Variants in CPT1A observed in about 807,000 individuals in gnomAD.
CPT1A encodes the protein carnitine palmitoyltransferase 1A.
A neutral mutation model predicts 100.8 loss-of-function variants in CPT1A; 64 were observed. The ratio of observed to expected loss-of-function variants is 0.63; its 90% CI spans 0.52 to 0.78. The LOEUF (loss-of-function observed/expected upper bound fraction) is 0.78, where lower values mean the gene tolerates loss of function less well. Among genes scored for constraint, CPT1A ranks in the 30% least tolerant of loss-of-function variants. The pLI is 0.00. For synonymous variants in CPT1A, 363 were observed against 396.0 expected, an observed-to-expected ratio of 0.92 and a Z score of 0.99; for missense variants, 802 against 1,034.1, an observed-to-expected ratio of 0.78 and a Z score of 3.08.
Position 68,782,770 on chromosome 11 carries a change from G to A in CPT1A, c.1164-811C>T, listed in dbSNP as rs189120522. 1.6e-4 allele frequency among the ~76,000 whole-genome samples: 24 copies of A among 152,296 alleles called. No individual in the cohort carries two copies. In the East Asian group the frequency reaches 2.9e-3, roughly 18 times the overall value. On this transcript the variant is annotated intron_variant, in intron 10 of 18. Transcript: ENST00000265641. ...TAGGAGTGCTTGGCTATGGCGGCCC[G>A]CAGGGCGAATAAGCCTAGAAACACG...
At chr11:68,767,892 G>C (rs1471247101) in intron 14 of CPT1A, among the ~76,000 whole-genome samples, 1 of 151,892 alleles carries the variant, frequency 6.6e-6, no homozygotes, top group Non-Finnish European at 1.5e-5. Flanking sequence ...CCGTAACGTG[G>C]CCACGCCCTC....
intron 1 of CPT1A, among the ~76,000 whole-genome samples, chr11:68,838,324 C>A (rs1857062848): frequency 6.6e-6 from 1 of 152,032 alleles, no homozygotes; most frequent in African/African-American, 2.4e-5. Context: ...AATAGGGTAG[C>A]TGGCCTCAGC....
chr11:68,793,606 C>T (rs1412361592), intron 8 of CPT1A, among the ~76,000 whole-genome samples: 1 of 151,916 alleles, frequency 6.6e-6, no homozygotes, highest in Non-Finnish European at 1.5e-5. Context: ...ATTAGCCGGG[C>T]ATGGTGTCGG....
chr11:68,786,815 C>A (rs1344305092), intron 9 of CPT1A, among the ~76,000 whole-genome samples: 1 of 152,214 alleles, frequency 6.6e-6, no homozygotes, highest in Non-Finnish European at 1.5e-5. Flanking sequence ...AGGCATGAGA[C>A]ACTGCACCTG....
intron 13 of CPT1A, among the ~76,000 whole-genome samples, chr11:68,774,360 G>T (rs769734314): frequency 2.0e-5 from 3 of 151,936 alleles, no homozygotes; most frequent in Non-Finnish European, 4.4e-5. Flanking sequence ...GACCCCAAAG[G>T]GTGTTTCAAA....
chr11:68,811,394 CT>C (rs1383283358), intron 3 of CPT1A, among the ~76,000 whole-genome samples: 2 of 152,198 alleles, frequency 1.3e-5, no homozygotes, highest in Non-Finnish European at 2.9e-5. Flanking sequence ...CACTGTGGAG[CT>C]TTCAGACCCG....
intron 1 of CPT1A, among the ~76,000 whole-genome samples, chr11:68,819,683 G>A (rs941811406): frequency 6.6e-6 from 1 of 152,224 alleles, no homozygotes; most frequent in African/African-American, 2.4e-5. Flanking sequence ...TCCTTTCTAG[G>A]AGTGAAACGC....
rs1293504009 is a variant in CPT1A, at chr11:68,781,770, C to G, written c.1352+1G>C. The stretch of plus-strand genomic sequence containing the variant: ...TGTCTCTCAGAAGGTAAGGACGGTA[C>G]CTGTCGTAACATCGGCCGTGTAGTA... On this transcript the variant is annotated splice_donor_variant, in intron 11 of 18. Transcript: ENST00000265641. LOFTEE classifies it high-confidence loss of function. The G allele has an allele frequency of 6.2e-7, 1 of 1,614,050 alleles. No individual in the cohort carries two copies. Among genetic ancestry groups the G allele is most frequent in the Non-Finnish European group, 8.5e-7 (1 of 1,180,008 alleles).
At chr11:68,811,034 C>T (rs377576397) in intron 3 of CPT1A, among the ~76,000 whole-genome samples, 16 of 152,270 alleles carry the variant, frequency 1.1e-4, no homozygotes, top group East Asian at 3.9e-4. Flanking sequence ...TTTTCGTTTA[C>T]GTCTCTTTTT....
rs116635941 is a variant in CPT1A, at chr11:68,778,302, C to T, written c.1458+2338G>A. 9.6e-3 allele frequency among the ~76,000 whole-genome samples: 1,467 copies of T among 152,090 alleles called. 24 individuals carry two copies. Among genetic ancestry groups the T allele is most frequent in the African/African-American group, 0.032 (1,344 of 41,472 alleles). On this transcript the variant is annotated intron_variant, in intron 12 of 18. Coordinates refer to ENST00000265641, the MANE Select transcript of CPT1A (RefSeq NM_001876.4). ...CAGCTGAGACCTAAGGAAGACCTGA[C>T]GGGGCCAGGAGCCAGGGGAAGCCAG...
intron 10 of CPT1A, among the ~76,000 whole-genome samples, chr11:68,782,632 G>C (rs1201007287): frequency 1.3e-5 from 2 of 152,142 alleles, no homozygotes; most frequent in African/African-American, 4.8e-5. Flanking sequence ...CCCACCAGCT[G>C]GGCTTCCTCG....
intron 3 of CPT1A, among the ~76,000 whole-genome samples, chr11:68,811,949 G>T (rs1300548971): frequency 1.0e-5 from 1 of 97,106 alleles, no homozygotes; most frequent in African/African-American, 7.3e-5. Context: ...TAGGAGGGAC[G>T]GGGGGGTCCC....
chr11:68,780,787 G>T (rs1471980972), intron 11 of CPT1A, 42 bp from the exon 12 acceptor site: 3 of 1,501,328 alleles, frequency 2.0e-6, no homozygotes, highest in Non-Finnish European at 2.8e-6. Flanking sequence ...TGTTTAAAGA[G>T]GCAACAATGA....
At chr11:68,759,729 GT>G (rs1349343795) in intron 17 of CPT1A, 68 bp from the exon 18 acceptor site, 1 of 1,175,712 alleles carries the variant, frequency 8.5e-7, no homozygotes, top group African/African-American at 1.5e-5. Context: ...ACTTTCTAAT[GT>G]TCTAAATGCA....
intron 14 of CPT1A, among the ~76,000 whole-genome samples, chr11:68,764,985 C>T (rs141343884): frequency 9.1e-4 from 139 of 152,310 alleles, no homozygotes; most frequent in Middle Eastern, 3.4e-3. Context: ...GGTGGCATGA[C>T]ACGACACTCA....
Position 68,760,830 on chromosome 11 carries a change from C to T in CPT1A, c.2029-492G>A, listed in dbSNP as rs374167016. ...GAGTTCGAGACCAGCCTGGGCAACA[C>T]GGTGAAACCCCGTCTCTACTAAAAT... On this transcript the variant is annotated intron_variant, in intron 16 of 18. Coordinates refer to ENST00000265641, the MANE Select transcript of CPT1A (RefSeq NM_001876.4). Among the ~76,000 whole-genome samples, 4 of 151,974 alleles carry T rather than the reference C, an allele frequency of 2.6e-5. No individual in the cohort carries two copies. The East Asian group carries it at 5.8e-4, about 22-fold the overall frequency.
intron 10 of CPT1A, among the ~76,000 whole-genome samples, chr11:68,782,246 C>T (rs1855333427): frequency 6.6e-6 from 1 of 152,168 alleles, no homozygotes; most frequent in African/African-American, 2.4e-5. Flanking sequence ...CAGGAAGCAG[C>T]AGACCCAGAT....
chr11:68,786,887 T>G (rs560656008), intron 9 of CPT1A, among the ~76,000 whole-genome samples: 110 of 152,300 alleles, frequency 7.2e-4, no homozygotes, highest in Non-Finnish European at 1.3e-3. Context: ...CTGCTTTGGT[T>G]TGCTGAAGGG....
At chr11:68,810,724 C>A (rs1856177892) in intron 3 of CPT1A, among the ~76,000 whole-genome samples, 1 of 152,182 alleles carries the variant, frequency 6.6e-6, no homozygotes, top group Non-Finnish European at 1.5e-5. Flanking sequence ...GTGGCTCACA[C>A]CTGTAATCCC....
Sources: gnomAD v4.1 joint callset for allele counts (sites outside exome capture counted in the v4.1 genomes callset) on GRCh38, gnomAD v4.1.1 for gene constraint, MANE v1.5 for transcripts, NCBI Gene and HGNC (gene_info 2026-07-23, HGNC 2026-07-21) for gene names.